The following JAK2 variants were observed in gnomAD, a reference collection of about 807,000 sequenced individuals.
JAK2 encodes tyrosine-protein kinase JAK2.
In JAK2, 86 loss-of-function variants were observed where a neutral mutation model predicts 139.3. The ratio of observed to expected loss-of-function variants is 0.62; its 90% CI spans 0.52 to 0.74. The LOEUF (loss-of-function observed/expected upper bound fraction) is 0.74, where lower values mean the gene tolerates loss of function less well. Ranked by LOEUF, JAK2 falls within the 30% of genes least tolerant of loss-of-function variation. The probability of loss-of-function intolerance (pLI) is 0.00; values close to 1 mark genes in which losing one functional copy is unlikely to be tolerated. For synonymous variants in JAK2, 490 were observed against 437.7 expected (o/e 1.12, Z -1.49); for missense variants, 1,421 against 1,360.3 (o/e 1.04, Z -0.70).
chr9:5,004,552 G>T (rs147692062), intron 2 of JAK2, among the ~76,000 whole-genome samples: 81 of 152,188 alleles, frequency 5.3e-4, no homozygotes, highest in African/African-American at 1.8e-3. Context: ...GGACACTTAG[G>T]TTGATTCTTT....
chr9:5,076,937 T>C (rs950557087), intron 14 of JAK2, among the ~76,000 whole-genome samples: 1 of 141,392 alleles, frequency 7.1e-6, no homozygotes, highest in Non-Finnish European at 1.6e-5. Flanking sequence ...ATGTTTTATA[T>C]ATTTTTTTAA....
At chr9:5,024,337 A>T (rs1313931993) in intron 3 of JAK2, among the ~76,000 whole-genome samples, 1 of 152,026 alleles carries the variant, frequency 6.6e-6, no homozygotes, top group East Asian at 1.9e-4. Flanking sequence ...TTTTTTTGAC[A>T]GATTTTATTG....
chr9:5,074,098 T>C (rs1242234674), intron 14 of JAK2, among the ~76,000 whole-genome samples: 1 of 152,134 alleles, frequency 6.6e-6, no homozygotes, highest in African/African-American at 2.4e-5. Flanking sequence ...TTGGAATAAC[T>C]GGCCTTTTCA....
intron 16 of JAK2, among the ~76,000 whole-genome samples, chr9:5,078,975 C>G (rs1013586653): frequency 3.9e-4 from 59 of 152,080 alleles, no homozygotes; most frequent in African/African-American, 1.4e-3. Flanking sequence ...TTTTTTGGGT[C>G]TAGATAATTA....
chr9:5,098,425 AT>A (rs1821193337), intron 22 of JAK2: 1 of 152,202 alleles, frequency 6.6e-6, no homozygotes, highest in Non-Finnish European at 1.5e-5. Context: ...CCACGTTCTT[AT>A]AATTATTTTC....
Position 5,078,371 on chromosome 9 carries a change from C to A in JAK2, c.2058C>A (p.Asp686Glu), listed in dbSNP as rs2130590671. 3.7e-6 allele frequency: 6 copies of A among 1,612,134 alleles called. No homozygotes were observed. The highest frequency in any genetic ancestry group is 5.1e-6 in the Non-Finnish European group (6 of 1,178,470). Residue 686 changes from aspartate to glutamate, a missense_variant, in exon 16 of 25, where the codon GAC (aspartate) becomes GAA (glutamate). Transcript: ENST00000381652. ...AKNILLIREE[D>E]RKTGNPPFIK... Reference sequence around the variant, plus strand: ...ATATTCTGCTTATCAGAGAAGAAGACAGGAAGACAGGAAATCCTCCTTTCA... The same window carrying A: ...ATATTCTGCTTATCAGAGAAGAAGAAAGGAAGACAGGAAATCCTCCTTTCA...
intron 22 of JAK2, among the ~76,000 whole-genome samples, chr9:5,096,263 A>T (rs1820977574): frequency 6.6e-6 from 1 of 152,212 alleles, no homozygotes; most frequent in African/African-American, 2.4e-5. Context: ...GTTATAACTT[A>T]GAAATTTAGG....
chr9:5,112,668 A>T lies in JAK2; in HGVS notation c.3060-10336A>T, dbSNP rs940301347. On this transcript the variant is annotated intron_variant, in intron 22 of 24. Transcript: ENST00000381652. The stretch of plus-strand genomic sequence containing the variant: ...CAGACCAAACTCCTTATCCTGCACC[A>T]GGCCGTCTCGGTCATCCTGAATTTG... 4 of 952,412 alleles carry T rather than the reference A, an allele frequency of 4.2e-6. No homozygotes were observed. In the African/African-American group the frequency reaches 6.8e-5, roughly 16 times the overall value. The allele number at this position is 952,412 out of a possible 1,614,324, so 59.0% of individuals were successfully genotyped here.
At chr9:5,121,467 C>G (rs554165541) in intron 22 of JAK2, among the ~76,000 whole-genome samples, 2 of 152,124 alleles carry the variant, frequency 1.3e-5, no homozygotes, top group Non-Finnish European at 2.9e-5. Context: ...CTTTTCATAT[C>G]TTCATGACAG....
At chr9:5,057,573 C>T (rs1461173391) in intron 8 of JAK2, among the ~76,000 whole-genome samples, 4 of 137,502 alleles carry the variant, frequency 2.9e-5, no homozygotes, top group Non-Finnish European at 6.1e-5. Context: ...AACCAGCATT[C>T]TACTTTCTTT....
intron 3 of JAK2, among the ~76,000 whole-genome samples, chr9:5,025,671 T>C (rs1254712296): frequency 6.6e-6 from 1 of 152,038 alleles, no homozygotes; most frequent in African/African-American, 2.4e-5. Flanking sequence ...CTAGCTGGAC[T>C]ACAGGCACCC....
chr9:5,084,052 C>T (rs979223444), intron 19 of JAK2, among the ~76,000 whole-genome samples: 12 of 151,880 alleles, frequency 7.9e-5, no homozygotes, highest in Non-Finnish European at 1.5e-4. Context: ...AGTTAATGTT[C>T]TTTTGCTTTT....
rs141551063 is a variant in JAK2 at position 5,018,811 on chromosome 9, T to G, written c.-25-3152T>G. ...TATCCTTGACTTGCAGGTTTTTTTC[T>G]TTCAGCACTTTTCATATATCGTTCC... is the stretch of plus-strand genomic sequence containing the variant. On this transcript the variant is annotated intron_variant, in intron 2 of 24. Coordinates refer to ENST00000381652, the MANE Select transcript of JAK2 (RefSeq NM_004972.4). Among the ~76,000 whole-genome samples the G allele has an allele frequency of 3.9e-5, 6 of 152,376 alleles. No homozygotes were observed. In the East Asian group the frequency reaches 1.2e-3, roughly 29 times the overall value.
At chr9:4,992,985 A>G (rs1820346010) in intron 2 of JAK2, among the ~76,000 whole-genome samples, 1 of 152,064 alleles carries the variant, frequency 6.6e-6, no homozygotes, top group Admixed American at 6.6e-5. Flanking sequence ...ACCCATATAA[A>G]TTGCTTTGTA....
Position 5,011,864 on chromosome 9 carries a change from T to G in JAK2, c.-25-10099T>G, listed in dbSNP as rs148760820. On this transcript the variant is annotated intron_variant, in intron 2 of 24. Coordinates refer to ENST00000381652, the MANE Select transcript of JAK2 (RefSeq NM_004972.4). ...AGGTCTATTTCAGTTTTGCCATTACTTCTGGTAAGTGGCTCTTATTCTTCA... is the reference window on the plus strand; with the variant it reads ...AGGTCTATTTCAGTTTTGCCATTACGTCTGGTAAGTGGCTCTTATTCTTCA... Among the ~76,000 whole-genome samples, 177 of 152,336 alleles carry G rather than the reference T, an allele frequency of 1.2e-3. 2 individuals carry two copies. Among genetic ancestry groups the G allele is most frequent in the African/African-American group, 3.9e-3 (162 of 41,574 alleles).
chr9:5,028,741 T>C (rs1822946284), intron 3 of JAK2, among the ~76,000 whole-genome samples: 1 of 152,230 alleles, frequency 6.6e-6, no homozygotes, highest in Non-Finnish European at 1.5e-5. Context: ...TTTCTTTTCT[T>C]AAACCTCATG....
chr9:5,042,248 C>T (rs1193243016), intron 4 of JAK2, among the ~76,000 whole-genome samples: 1 of 151,740 alleles, frequency 6.6e-6, no homozygotes, highest in Non-Finnish European at 1.5e-5. Context: ...CGCCATTCTC[C>T]TGCCTCAGCC....
intron 22 of JAK2, chr9:5,114,115 G>A: frequency 5.6e-6 from 2 of 354,484 alleles, no homozygotes; most frequent in South Asian, 2.8e-5. Flanking sequence ...ACCTACACCT[G>A]CCAGGTCACC....
chr9:5,066,398 C>T (rs757302790), intron 9 of JAK2, among the ~76,000 whole-genome samples: 2 of 151,982 alleles, frequency 1.3e-5, no homozygotes, highest in Admixed American at 1.3e-4. Flanking sequence ...AATCAGCAGG[C>T]AGAAAAATCA....
Sources: allele counts gnomAD v4.1 joint callset (sites outside exome capture counted in the v4.1 genomes callset), GRCh38; gene constraint gnomAD v4.1.1; transcripts MANE v1.5; gene names NCBI Gene and HGNC (gene_info 2026-07-23, HGNC 2026-07-21).